CNTNAP2: variants seen among roughly 807,000 people sequenced by gnomAD.
The protein encoded by CNTNAP2 is contactin-associated protein-like 2.
In CNTNAP2, 98 loss-of-function variants were observed where a neutral mutation model predicts 155.2. That is an observed-to-expected ratio of 0.63 (90% confidence interval 0.54 to 0.75). CNTNAP2 has a LOEUF of 0.75. Among genes scored for constraint, CNTNAP2 ranks in the 30% least tolerant of loss-of-function variants. The pLI, the probability that CNTNAP2 is intolerant of heterozygous loss-of-function variation, is 0.00. For synonymous variants in CNTNAP2, 651 were observed against 631.2 expected, an observed-to-expected ratio of 1.03 and a Z score of -0.47; for missense variants, 1,727 against 1,688.1, an observed-to-expected ratio of 1.02 and a Z score of -0.40.
chr7:146,511,605 T>C (rs1199712369), intron 1 of CNTNAP2, among the ~76,000 whole-genome samples: 1 of 152,234 alleles, frequency 6.6e-6, no homozygotes, highest in Non-Finnish European at 1.5e-5. Flanking sequence ...TGTTGAACCA[T>C]CTTTGCATCA....
chr7:146,552,453 C>G (rs1798136352), intron 1 of CNTNAP2, among the ~76,000 whole-genome samples: 1 of 152,122 alleles, frequency 6.6e-6, no homozygotes, highest in Admixed American at 6.6e-5. Flanking sequence ...TCGATCACTT[C>G]TAACCAACCA....
At chr7:147,407,581 A>G (rs1043619226) in intron 10 of CNTNAP2, among the ~76,000 whole-genome samples, 4 of 151,430 alleles carry the variant, frequency 2.6e-5, no homozygotes, top group African/African-American at 7.2e-5. Context: ...ATGAAGGTCA[A>G]GGCCACTGGT....
At chr7:147,387,178 G>T (rs1477242442) in intron 9 of CNTNAP2, among the ~76,000 whole-genome samples, 1 of 152,098 alleles carries the variant, frequency 6.6e-6, no homozygotes, top group Non-Finnish European at 1.5e-5. Flanking sequence ...GAGTTGGATG[G>T]GCACACAGCC....
At chr7:147,183,689 A>G (rs1347647168) in intron 8 of CNTNAP2, among the ~76,000 whole-genome samples, 4 of 152,150 alleles carry the variant, frequency 2.6e-5, no homozygotes, top group African/African-American at 9.7e-5. Flanking sequence ...AGGCATCAAT[A>G]TCACGGGCTT....
intron 15 of CNTNAP2, among the ~76,000 whole-genome samples, chr7:148,006,397 G>A (rs866714986): frequency 1.2e-4 from 17 of 141,744 alleles, no homozygotes; most frequent in Non-Finnish European, 2.2e-4. Context: ...TCTGCTCACT[G>A]CAACCTCTGC....
rs192675263 is a variant in CNTNAP2, at chr7:147,203,362, G to T, written c.1348+70853G>T. On this transcript the variant is annotated intron_variant, in intron 8 of 23. Transcript: ENST00000361727. ...CAGGTTCAAGCAATTCTCCCCAGTA[G>T]CTGGGATTACAGGTACCCACCACCA... Among the ~76,000 whole-genome samples the T allele has an allele frequency of 2.4e-3, 371 of 152,214 alleles. 2 individuals carry two copies. Among genetic ancestry groups the T allele is most frequent in the African/African-American group, 8.4e-3 (350 of 41,542 alleles).
intron 2 of CNTNAP2, among the ~76,000 whole-genome samples, chr7:146,810,160 T>C (rs2129193524): frequency 6.6e-6 from 1 of 152,326 alleles, no homozygotes; most frequent in African/African-American, 2.4e-5. Context: ...TGATCAGAAA[T>C]GCATGGGTGG....
intron 11 of CNTNAP2, among the ~76,000 whole-genome samples, chr7:147,499,305 G>A (rs558903832): frequency 6.6e-6 from 1 of 152,206 alleles, no homozygotes; most frequent in Admixed American, 6.5e-5. Context: ...GAGGTGGGTA[G>A]ATCATGAGGT....
chr7:148,300,447 A>G (rs1189763409), intron 21 of CNTNAP2, among the ~76,000 whole-genome samples: 1 of 152,188 alleles, frequency 6.6e-6, no homozygotes, highest in Non-Finnish European at 1.5e-5. Flanking sequence ...TACAGAAAGG[A>G]TAGTCTTTTG....
intron 1 of CNTNAP2, among the ~76,000 whole-genome samples, chr7:146,266,619 G>T (rs1177762313): frequency 6.6e-6 from 1 of 152,116 alleles, no homozygotes; most frequent in Non-Finnish European, 1.5e-5. Flanking sequence ...AAAAGAAAAG[G>T]ATTTTAAATT....
At chr7:146,502,516 G>A (rs1797320534) in intron 1 of CNTNAP2, among the ~76,000 whole-genome samples, 1 of 151,900 alleles carries the variant, frequency 6.6e-6, no homozygotes, top group Admixed American at 6.6e-5. Context: ...CAGTGTTCAA[G>A]TGTTGCCCTT....
intron 11 of CNTNAP2, among the ~76,000 whole-genome samples, chr7:147,532,892 G>T (rs1348681262): frequency 6.6e-6 from 1 of 152,152 alleles, no homozygotes; most frequent in Non-Finnish European, 1.5e-5. Flanking sequence ...CCCACAACAT[G>T]TGGGAATTCT....
chr7:147,928,111 T>C (rs1800430782), intron 14 of CNTNAP2, among the ~76,000 whole-genome samples: 1 of 152,180 alleles, frequency 6.6e-6, no homozygotes, highest in Admixed American at 6.5e-5. Flanking sequence ...TGGCTCTCAT[T>C]CTATCTTGCC....
intron 1 of CNTNAP2, among the ~76,000 whole-genome samples, chr7:146,715,747 A>AT (rs945769134): frequency 8.5e-5 from 13 of 152,124 alleles, no homozygotes; most frequent in African/African-American, 2.7e-4. Flanking sequence ...TTTTTAAAAT[A>AT]TTTTTTATTG....
At chr7:146,639,923 T>A (rs1799676922) in intron 1 of CNTNAP2, among the ~76,000 whole-genome samples, 1 of 152,214 alleles carries the variant, frequency 6.6e-6, no homozygotes, top group Non-Finnish European at 1.5e-5. Context: ...GTAACTATTA[T>A]GAAATAGCCA....
intron 1 of CNTNAP2, among the ~76,000 whole-genome samples, chr7:146,633,746 C>A (rs545263145): frequency 6.9e-6 from 1 of 145,278 alleles, no homozygotes; most frequent in African/African-American, 2.5e-5. Flanking sequence ...AGGAGAATGG[C>A]GTGAACCCGG....
intron 3 of CNTNAP2, among the ~76,000 whole-genome samples, chr7:146,897,335 AC>A (rs1446048478): frequency 6.6e-6 from 1 of 152,156 alleles, no homozygotes; most frequent in Non-Finnish European, 1.5e-5. Context: ...CCATGTTTGA[AC>A]TTGGAGGCCA....
intron 1 of CNTNAP2, among the ~76,000 whole-genome samples, chr7:146,430,215 A>T (rs796617238): frequency 6.6e-6 from 1 of 150,732 alleles, no homozygotes; most frequent in African/African-American, 2.4e-5. Context: ...CTCTGCCAGG[A>T]TGTAACCCAT....
At chr7:148,099,189 TG>T (rs1804040720) in intron 15 of CNTNAP2, among the ~76,000 whole-genome samples, 2 of 152,170 alleles carry the variant, frequency 1.3e-5, no homozygotes, top group African/African-American at 4.8e-5. Flanking sequence ...ACATGAAAAG[TG>T]GACATAATAA....
Sources: gnomAD v4.1 joint callset for allele counts (sites outside exome capture counted in the v4.1 genomes callset) on GRCh38, gnomAD v4.1.1 for gene constraint, MANE v1.5 for transcripts, NCBI Gene and HGNC (gene_info 2026-07-23, HGNC 2026-07-21) for gene names.